AGBL1: variants seen among roughly 807,000 people sequenced by gnomAD.
AGBL1 encodes the protein cytosolic carboxypeptidase 4.
A neutral mutation model predicts 118.9 loss-of-function variants in AGBL1; 130 were observed. The ratio of observed to expected loss-of-function variants is 1.09; its 90% CI spans 0.95 to 1.26. The LOEUF is 1.26. Ranked by LOEUF, AGBL1 falls within the 50% of genes most tolerant of loss-of-function variation. AGBL1 has a pLI of 0.00. For synonymous variants in AGBL1, 555 were observed against 478.9 expected, an observed-to-expected ratio of 1.16 and a Z score of -2.08; for missense variants, 1,584 against 1,298.1, an observed-to-expected ratio of 1.22 and a Z score of -3.38.
intron 6 of AGBL1, among the ~76,000 whole-genome samples, chr15:86,243,969 G>A (rs1215172316): frequency 2.0e-5 from 3 of 151,724 alleles, no homozygotes; most frequent in African/African-American, 4.8e-5. Flanking sequence ...ACAGTGAGCC[G>A]AGATCATGCC....
intron 22 of AGBL1, among the ~76,000 whole-genome samples, chr15:86,896,629 GT>G (rs2141570491): frequency 6.6e-6 from 1 of 151,868 alleles, no homozygotes; most frequent in African/African-American, 2.4e-5. Flanking sequence ...TCTATTTTTT[GT>G]TTCTTTTTTA....
intron 23 of AGBL1, among the ~76,000 whole-genome samples, chr15:86,973,623 C>A (rs2081133671): frequency 6.6e-6 from 1 of 151,814 alleles, no homozygotes; most frequent in South Asian, 2.1e-4. Flanking sequence ...GTGAGAAGTA[C>A]ATTACACAGA....
intron 21 of AGBL1, among the ~76,000 whole-genome samples, chr15:86,635,224 A>G (rs1038763640): frequency 7.0e-6 from 1 of 142,418 alleles, no homozygotes; most frequent in African/African-American, 2.6e-5. Flanking sequence ...GTGGCAGGGG[A>G]TATAATCATT....
chr15:86,104,478 G>A (rs1023154405), intron 1 of AGBL1, among the ~76,000 whole-genome samples: 5 of 152,214 alleles, frequency 3.3e-5, no homozygotes, highest in African/African-American at 1.2e-4. Context: ...GAGGTGGCAG[G>A]GTTGCTGCCA....
chr15:86,446,431 C>T (rs1221713539), intron 18 of AGBL1, among the ~76,000 whole-genome samples: 5 of 152,198 alleles, frequency 3.3e-5, no homozygotes, highest in African/African-American at 4.8e-5. Context: ...ATTAGAATTG[C>T]TCAAGTGAAT....
At chr15:86,627,159 C>A (rs1433792378) in intron 21 of AGBL1, among the ~76,000 whole-genome samples, 1 of 152,142 alleles carries the variant, frequency 6.6e-6, no homozygotes, top group Non-Finnish European at 1.5e-5. Flanking sequence ...CGCCACCACC[C>A]CCAGCTAATT....
intron 22 of AGBL1, among the ~76,000 whole-genome samples, chr15:86,719,984 T>C (rs1312943018): frequency 1.3e-5 from 2 of 152,210 alleles, no homozygotes; most frequent in African/African-American, 2.4e-5. Flanking sequence ...TCTCATCTAG[T>C]CACAAAATGT....
In AGBL1 at chr15:86,827,984, G is replaced by C. The variant is rs927244095; in HGVS notation, c.3159-79103G>C. On this transcript the variant is annotated intron_variant, in intron 22 of 22. Coordinates refer to ENST00000614907, the MANE Select transcript of AGBL1 (RefSeq NM_001386094.1). ...GAGACAGTATCTTGTTTTGTCACCC[G>C]GGCTGGAGTGCAGTTGTGTGATCAT... Among the ~76,000 whole-genome samples the C allele has an allele frequency of 1.2e-4, 7 of 57,968 alleles. No homozygotes were observed. The East Asian group carries it at 4.3e-3, about 36-fold the overall frequency. The allele number at this position is 57,968 out of a possible 152,430, so 38.0% of individuals were successfully genotyped here. A position where few individuals can be genotyped will look rare whatever the true frequency, so the allele number is the denominator to read the frequency against.
At chr15:86,774,604 C>G (rs1215676141) in intron 22 of AGBL1, among the ~76,000 whole-genome samples, 3 of 151,944 alleles carry the variant, frequency 2.0e-5, no homozygotes, top group African/African-American at 7.2e-5. Context: ...GCAGGAAGCT[C>G]TAAGTACAGG....
At chr15:86,136,773 G>A (rs2076894788) in intron 1 of AGBL1, among the ~76,000 whole-genome samples, 1 of 152,178 alleles carries the variant, frequency 6.6e-6, no homozygotes, top group Non-Finnish European at 1.5e-5. Flanking sequence ...CTGTGGTGAG[G>A]AGCTGGGAGG....
intron 20 of AGBL1, among the ~76,000 whole-genome samples, chr15:86,548,930 G>A (rs1340474884): frequency 1.3e-5 from 2 of 152,082 alleles, no homozygotes; most frequent in African/African-American, 2.4e-5. Context: ...GAAGGTGAAG[G>A]GGGAGCAGGC....
At chr15:86,846,161 C>A (rs2079314106) in intron 22 of AGBL1, among the ~76,000 whole-genome samples, 1 of 152,176 alleles carries the variant, frequency 6.6e-6, no homozygotes. Flanking sequence ...TTCTCTTCAA[C>A]TTAAATGACT....
chr15:86,834,343 A>T (rs1377088), intron 22 of AGBL1, among the ~76,000 whole-genome samples: 3 of 151,884 alleles, frequency 2.0e-5, no homozygotes, highest in African/African-American at 7.3e-5. Flanking sequence ...AAAGGGAAGT[A>T]GAGAAGGGAG....
chr15:86,780,868 A>G (rs910482255), intron 22 of AGBL1, among the ~76,000 whole-genome samples: 2 of 151,910 alleles, frequency 1.3e-5, no homozygotes, highest in African/African-American at 2.4e-5. Flanking sequence ...TGGTTTCACC[A>G]TGTTTGCCTG....
chr15:86,816,214 T>C (rs2078856272), intron 22 of AGBL1, among the ~76,000 whole-genome samples: 1 of 152,094 alleles, frequency 6.6e-6, no homozygotes, highest in Admixed American at 6.6e-5. Flanking sequence ...TAGTAGCAAA[T>C]AGAATGGCGA....
intron 22 of AGBL1, among the ~76,000 whole-genome samples, chr15:86,851,263 A>G (rs1415710608): frequency 1.3e-5 from 2 of 152,186 alleles, no homozygotes; most frequent in Admixed American, 6.5e-5. Flanking sequence ...GGGTTCTCTG[A>G]TTCCTGAGAC....
At chr15:86,707,337 T>C (rs2086468786) in intron 22 of AGBL1, among the ~76,000 whole-genome samples, 1 of 152,176 alleles carries the variant, frequency 6.6e-6, no homozygotes, top group Non-Finnish European at 1.5e-5. Context: ...GGGAATGATT[T>C]CCATTTTATC....
At chr15:86,347,781 C>T (rs1031944217) in intron 17 of AGBL1, among the ~76,000 whole-genome samples, 2 of 152,130 alleles carry the variant, frequency 1.3e-5, no homozygotes, top group African/African-American at 4.8e-5. Context: ...GCTTCATATC[C>T]CCAAGAAGAC....
At chr15:87,005,861 G>T (rs1461481270) in intron 24 of AGBL1, among the ~76,000 whole-genome samples, 2 of 152,188 alleles carry the variant, frequency 1.3e-5, no homozygotes, top group Non-Finnish European at 2.9e-5. Flanking sequence ...GTGACATACA[G>T]ATGGGGTTTT....
Sources: gnomAD v4.1 joint callset for allele counts (sites outside exome capture counted in the v4.1 genomes callset) on GRCh38, gnomAD v4.1.1 for gene constraint, MANE v1.5 for transcripts, NCBI Gene and HGNC (gene_info 2026-07-23, HGNC 2026-07-21) for gene names.